The following GPM6A variants were observed in gnomAD, a reference collection of about 807,000 sequenced individuals.
The protein encoded by GPM6A is neuronal membrane glycoprotein M6-a.
A neutral mutation model predicts 32.1 loss-of-function variants in GPM6A; 7 were observed. The observed-to-expected ratio is 0.22, with a 90% CI of 0.12 to 0.41. The LOEUF is 0.41. Ranked by LOEUF, GPM6A falls within the 10% of genes least tolerant of loss-of-function variation. The pLI, the probability that GPM6A is intolerant of heterozygous loss-of-function variation, is 1.00. For synonymous variants in GPM6A, 130 were observed against 123.4 expected, an observed-to-expected ratio of 1.05 and a Z score of -0.35; for missense variants, 235 against 347.2, an observed-to-expected ratio of 0.68 and a Z score of 2.57.
chr4:175,800,993 C>T (rs1734450668), intron 1 of GPM6A: 1 of 190,568 alleles, frequency 5.2e-6, no homozygotes, highest in Non-Finnish European at 1.2e-5. Flanking sequence ...CAGGGTAAGT[C>T]TTAAACACTT....
At chr4:175,812,657 A>AAATTGGAAAC, upstream of GPM6A, 1 of 988,104 alleles carries the variant, frequency 1.0e-6, no homozygotes, top group Non-Finnish European at 1.2e-6. Flanking sequence ...TCTGGGCTTT[A>AAATTGGAAAC]AATTGGAAAC....
intron 3 of GPM6A, among the ~76,000 whole-genome samples, chr4:175,666,593 AC>A (rs1742766854): frequency 6.6e-6 from 1 of 152,194 alleles, no homozygotes; most frequent in Admixed American, 6.5e-5. Flanking sequence ...TCTTTAAAAG[AC>A]CATTAATAGT....
chr4:175,825,288 T>C (rs1735399100), intron 1 of GPM6A, among the ~76,000 whole-genome samples: 1 of 152,212 alleles, frequency 6.6e-6, no homozygotes, highest in Non-Finnish European at 1.5e-5. Flanking sequence ...ATGGGAGTAG[T>C]ATCAGACTAT....
chr4:175,832,152 T>G (rs1735637268), intron 1 of GPM6A, among the ~76,000 whole-genome samples: 1 of 152,132 alleles, frequency 6.6e-6, no homozygotes, highest in Non-Finnish European at 1.5e-5. Context: ...AAATTCTGGC[T>G]CTCTAACTTT....
intron 1 of GPM6A, among the ~76,000 whole-genome samples, chr4:175,918,784 T>C (rs977991468): frequency 5.3e-5 from 8 of 152,164 alleles, no homozygotes; most frequent in East Asian, 1.9e-4. Context: ...TTTTAACAAT[T>C]TGTGAAACAA....
intron 1 of GPM6A, among the ~76,000 whole-genome samples, chr4:175,882,812 C>G (rs917459016): frequency 1.3e-5 from 2 of 151,892 alleles, no homozygotes; most frequent in African/African-American, 2.4e-5. Flanking sequence ...AGTGGTAATA[C>G]AGATGAGGTA....
At position 175,771,980 on chromosome 4, in the gene GPM6A, A is replaced by T. The variant is rs372036620; in HGVS notation, c.37+40211T>A. On this transcript the variant is annotated intron_variant, in intron 1 of 6. Transcript: ENST00000393658. ...TTTTCTTGATACGAGAGGCCAACAGACTTATTTCTGACCCTTGGTCCTGTC... is the reference window on the plus strand; with the variant it reads ...TTTTCTTGATACGAGAGGCCAACAGTCTTATTTCTGACCCTTGGTCCTGTC... 1.3e-3 allele frequency among the ~76,000 whole-genome samples: 203 copies of T among 152,268 alleles called. 1 individual carries two copies. Among genetic ancestry groups the T allele is most frequent in the African/African-American group, 3.7e-3 (155 of 41,566 alleles).
chr4:175,818,768 A>C (rs1393228936), intron 1 of GPM6A, among the ~76,000 whole-genome samples: 1 of 152,244 alleles, frequency 6.6e-6, no homozygotes, highest in Non-Finnish European at 1.5e-5. Flanking sequence ...TTCATATGTA[A>C]CAAATGTCAT....
intron 4 of GPM6A, among the ~76,000 whole-genome samples, chr4:175,651,312 A>G (rs1418987120): frequency 6.6e-6 from 1 of 152,146 alleles, no homozygotes; most frequent in African/African-American, 2.4e-5. Context: ...ACTACATGAG[A>G]TTTTAGCCCT....
In GPM6A at chr4:175,745,129, G is replaced by GA. The variant is rs200268568; in HGVS notation, c.38-43363dup. On this transcript the variant is annotated intron_variant, in intron 1 of 6. Coordinates refer to ENST00000393658, the MANE Select transcript of GPM6A (RefSeq NM_201591.3). ...CTGAGAGTATCATGATAAAAAATCA[G>GA]AAAAAAAACATGAAATACCAGATTT... Among the ~76,000 whole-genome samples the GA allele has an allele frequency of 5.5e-3, 841 of 151,584 alleles. 6 individuals are homozygous for GA. The highest frequency in any genetic ancestry group is 0.017 in the African/African-American group (708 of 41,318).
At chr4:175,909,891 G>C (rs755045361) in intron 1 of GPM6A, among the ~76,000 whole-genome samples, 1 of 152,074 alleles carries the variant, frequency 6.6e-6, no homozygotes, top group Non-Finnish European at 1.5e-5. Flanking sequence ...TAAAAAAAGA[G>C]AAACCAAGTA....
chr4:175,907,571 C>G (rs923902749), intron 1 of GPM6A, among the ~76,000 whole-genome samples: 1 of 152,058 alleles, frequency 6.6e-6, no homozygotes, highest in African/African-American at 2.4e-5. Flanking sequence ...TTGGCATTTG[C>G]GAAAACAGCA....
chr4:175,752,350 C>A (rs936196019), intron 1 of GPM6A, among the ~76,000 whole-genome samples: 2 of 152,112 alleles, frequency 1.3e-5, no homozygotes, highest in African/African-American at 4.8e-5. Context: ...GTGGACAGCA[C>A]ACTAAACAGT....
chr4:175,869,893 A>G (rs1402819865), intron 1 of GPM6A, among the ~76,000 whole-genome samples: 1 of 152,244 alleles, frequency 6.6e-6, no homozygotes, highest in Non-Finnish European at 1.5e-5. Context: ...ATGCAAGTAC[A>G]ATCATTACCT....
intron 1 of GPM6A, among the ~76,000 whole-genome samples, chr4:175,743,307 G>A (rs2111170525): frequency 6.6e-6 from 1 of 151,102 alleles, no homozygotes; most frequent in African/African-American, 2.4e-5. Flanking sequence ...TATAAAGTCT[G>A]GAAATTAGTA....
At chr4:175,670,518 C>T (rs35424424) in intron 3 of GPM6A, among the ~76,000 whole-genome samples, 21,324 of 152,104 alleles carry the variant, frequency 0.14, 2,055 homozygotes, top group Non-Finnish European at 0.2. Context: ...AGGTCATGTT[C>T]AATGTAGTCA....
At chr4:175,850,598 A>G (rs2111401166) in intron 1 of GPM6A, among the ~76,000 whole-genome samples, 1 of 152,246 alleles carries the variant, frequency 6.6e-6, no homozygotes, top group African/African-American at 2.4e-5. Flanking sequence ...CACATGCCTG[A>G]CAGCAAAAAT....
At chr4:175,998,445 C>T (rs989203984) in intron 1 of GPM6A, among the ~76,000 whole-genome samples, 8 of 152,168 alleles carry the variant, frequency 5.3e-5, no homozygotes, top group African/African-American at 1.2e-4. Flanking sequence ...CGTGAGCCAC[C>T]GCACCCGGCC....
intron 3 of GPM6A, among the ~76,000 whole-genome samples, chr4:175,667,265 T>A (rs1460370129): frequency 6.6e-6 from 1 of 152,206 alleles, no homozygotes; most frequent in Admixed American, 6.5e-5. Flanking sequence ...TGATATGATG[T>A]GATGAGAAAG....
Sources: allele counts gnomAD v4.1 joint callset (sites outside exome capture counted in the v4.1 genomes callset), GRCh38; gene constraint gnomAD v4.1.1; transcripts MANE v1.5; gene names NCBI Gene and HGNC (gene_info 2026-07-23, HGNC 2026-07-21).